LARGE1: variants seen among roughly 807,000 people sequenced by gnomAD.
LARGE1 encodes LARGE xylosyl- and glucuronyltransferase 1.
A neutral mutation model predicts 87.6 loss-of-function variants in LARGE1; 43 were observed. That is an observed-to-expected ratio of 0.49 (90% CI 0.38 to 0.63). LARGE1 has a LOEUF of 0.63. LARGE1 is among the 30% of genes least tolerant of loss of function. The pLI is 0.00. For missense variants in LARGE1, 802 were observed against 1,000.2 expected (o/e 0.80, Z 2.67); for synonymous variants, 434 against 394.6 (o/e 1.10, Z -1.18).
chr22:33,514,824 C>T (rs1282090089), intron 6 of LARGE1, among the ~76,000 whole-genome samples: 2 of 152,022 alleles, frequency 1.3e-5, no homozygotes, highest in Admixed American at 1.3e-4. Flanking sequence ...AGGGGTGAAA[C>T]AATCACTTCA....
In LARGE1 at chr22:33,752,991, G is replaced by A. The variant is rs530218387; in HGVS notation, c.106+8380C>T. On this transcript the variant is annotated intron_variant, in intron 2 of 14. Coordinates refer to ENST00000397394, the MANE Select transcript of LARGE1 (RefSeq NM_133642.5). Reference sequence around the variant, plus strand: ...AATCCCAGTACTTTGGGAGGCCAAGGCGGGTGGATCACGAGGTCAGGAGAT... The same window carrying A: ...AATCCCAGTACTTTGGGAGGCCAAGACGGGTGGATCACGAGGTCAGGAGAT... 1.2e-3 allele frequency among the ~76,000 whole-genome samples: 177 copies of A among 152,336 alleles called. 1 individual carries two copies. The highest frequency in any genetic ancestry group is 7.1e-3 in the South Asian group (34 of 4,810).
intron 2 of LARGE1, among the ~76,000 whole-genome samples, chr22:33,759,956 C>T (rs546176560): frequency 5.3e-5 from 8 of 152,268 alleles, no homozygotes; most frequent in Non-Finnish European, 1.0e-4. Flanking sequence ...CACTTGGCCT[C>T]GGCACTGGGC....
intron 5 of LARGE1, among the ~76,000 whole-genome samples, chr22:33,596,800 T>C (rs2078987757): frequency 6.6e-6 from 1 of 152,214 alleles, no homozygotes; most frequent in Non-Finnish European, 1.5e-5. Context: ...TGAGTGCCTA[T>C]TATGTGCCAA....
chr22:33,793,751 G>A (rs2085892866), intron 1 of LARGE1, among the ~76,000 whole-genome samples: 2 of 151,118 alleles, frequency 1.3e-5, no homozygotes, highest in Admixed American at 1.3e-4. Flanking sequence ...CATCACTGCA[G>A]ATCTCTGTTT....
intron 1 of LARGE1, among the ~76,000 whole-genome samples, chr22:33,912,994 C>A (rs2065681905): frequency 6.6e-6 from 1 of 152,096 alleles, no homozygotes; most frequent in South Asian, 2.1e-4. Context: ...CCACGCCCGG[C>A]TAATTTTTGT....
intron 6 of LARGE1, among the ~76,000 whole-genome samples, chr22:33,505,997 T>C (rs2070746273): frequency 6.6e-6 from 1 of 152,058 alleles, no homozygotes; most frequent in South Asian, 2.1e-4. Context: ...TAGGTGCCAA[T>C]GTGCAAATCA....
intron 9 of LARGE1, among the ~76,000 whole-genome samples, chr22:33,345,297 C>T (rs1187495874): frequency 6.6e-6 from 1 of 152,120 alleles, no homozygotes; most frequent in African/African-American, 2.4e-5. Context: ...GATTTGAACC[C>T]AAGCAGATAG....
chr22:33,598,257 C>A (rs536856494), intron 5 of LARGE1, among the ~76,000 whole-genome samples: 1 of 152,238 alleles, frequency 6.6e-6, no homozygotes, highest in Non-Finnish European at 1.5e-5. Context: ...TAGTTAACTC[C>A]CCTATGCCTC....
At chr22:33,177,010 A>G in intron 11 of LARGE1, among the ~76,000 whole-genome samples, 1 of 152,232 alleles carries the variant, frequency 6.6e-6, no homozygotes, top group Non-Finnish European at 1.5e-5. Context: ...CTTTGCAGGA[A>G]CATGGATGAA....
intron 1 of LARGE1, among the ~76,000 whole-genome samples, chr22:33,872,407 C>T (rs1277409901): frequency 6.0e-5 from 9 of 148,974 alleles, no homozygotes; most frequent in Non-Finnish European, 7.4e-5. Context: ...ATTACTAGCA[C>T]GATCTTTGCC....
the LARGE1 span, among the ~76,000 whole-genome samples, chr22:33,073,058 C>T: frequency 6.6e-6 from 1 of 152,196 alleles, no homozygotes; most frequent in Non-Finnish European, 1.5e-5. Flanking sequence ...ATGATGGGAA[C>T]ATCATGTCAA....
chr22:33,510,509 G>A (rs1213542333), intron 6 of LARGE1, among the ~76,000 whole-genome samples: 1 of 152,200 alleles, frequency 6.6e-6, no homozygotes, highest in African/African-American at 2.4e-5. Context: ...GCTGGTAAGT[G>A]TGTATAGCCC....
At chr22:33,766,849 G>A (rs962097634) in intron 1 of LARGE1, among the ~76,000 whole-genome samples, 1 of 137,610 alleles carries the variant, frequency 7.3e-6, no homozygotes. Context: ...ACCTATATAA[G>A]AAAAAAAGGC....
chr22:33,107,912 A>ATT, the LARGE1 span, among the ~76,000 whole-genome samples: 4 of 150,126 alleles, frequency 2.7e-5, no homozygotes, highest in East Asian at 3.9e-4. Context: ...TCTCATTGGG[A>ATT]TTTTTTTTTT....
intron 9 of LARGE1, among the ~76,000 whole-genome samples, chr22:33,369,091 A>T (rs2064707614): frequency 6.6e-6 from 1 of 152,256 alleles, no homozygotes. Flanking sequence ...CAATTGATGC[A>T]GTTTGATAAT....
chr22:33,701,673 A>G (rs567308942), intron 2 of LARGE1, among the ~76,000 whole-genome samples: 2 of 152,244 alleles, frequency 1.3e-5, no homozygotes, highest in African/African-American at 4.8e-5. Context: ...CTCAACAGCA[A>G]AAGTGATTGT....
rs192919233 is a variant in LARGE1, at chr22:33,377,495, T to G, written c.1131+4424A>C. On this transcript the variant is annotated intron_variant, in intron 9 of 14. Coordinates refer to ENST00000397394, the MANE Select transcript of LARGE1 (RefSeq NM_133642.5). The stretch of plus-strand genomic sequence containing the variant: ...GTATATTCCCATTGCAATGCACTAT[T>G]CCAGAATAAATATAATTTTCTTTTA... 3.2e-4 allele frequency among the ~76,000 whole-genome samples: 49 copies of G among 152,380 alleles called. No homozygotes were observed. In the East Asian group the frequency reaches 9.2e-3, roughly 29 times the overall value.
chr22:33,429,664 T>C (rs2267205), intron 7 of LARGE1, among the ~76,000 whole-genome samples: 34,627 of 152,154 alleles, frequency 0.23, 5,356 homozygotes, highest in African/African-American at 0.44. Flanking sequence ...TTTTCTATTA[T>C]ATATTTTGGA....
chr22:33,290,072 T>C (rs1932256664), intron 12 of LARGE1, among the ~76,000 whole-genome samples: 1 of 152,162 alleles, frequency 6.6e-6, no homozygotes, highest in Admixed American at 6.5e-5. Context: ...GAGTATTAGC[T>C]GGATGGGTTT....
Sources: allele counts gnomAD v4.1 joint callset (sites outside exome capture counted in the v4.1 genomes callset), GRCh38; gene constraint gnomAD v4.1.1; transcripts MANE v1.5; gene names NCBI Gene and HGNC (gene_info 2026-07-23, HGNC 2026-07-21).